COL11A1: variants seen among roughly 807,000 people sequenced by gnomAD.
The protein encoded by COL11A1 is collagen alpha-1(XI) chain.
Under a neutral mutation model 265.2 loss-of-function variants are expected in COL11A1, and 74 were observed. The ratio of observed to expected loss-of-function variants is 0.28; its 90% CI spans 0.23 to 0.34. COL11A1 has a LOEUF of 0.34. Ranked by LOEUF, COL11A1 falls within the 10% of genes least tolerant of loss-of-function variation. The pLI is 1.00. For missense variants in COL11A1, 2,165 were observed against 2,263.6 expected (o/e 0.96, Z 0.88); for synonymous variants, 816 against 727.6 (o/e 1.12, Z -1.96).
At chr1:103,040,557 A>G (rs1449828953) in intron 4 of COL11A1, among the ~76,000 whole-genome samples, 1 of 151,506 alleles carries the variant, frequency 6.6e-6, no homozygotes, top group Non-Finnish European at 1.5e-5. Context: ...CTTCATATCA[A>G]TGTTTCTTTA....
chr1:102,911,700 C>T (rs990884799), intron 54 of COL11A1, among the ~76,000 whole-genome samples: 3 of 152,154 alleles, frequency 2.0e-5, no homozygotes, highest in African/African-American at 7.2e-5. Flanking sequence ...GTTTCCGAGC[C>T]AGAGAAGTTT....
At chr1:103,103,824 A>G (rs935751055) in intron 1 of COL11A1, among the ~76,000 whole-genome samples, 1 of 151,970 alleles carries the variant, frequency 6.6e-6, no homozygotes, top group Non-Finnish European at 1.5e-5. Flanking sequence ...TCCTGAGCTA[A>G]AAGGTACTTA....
intron 53 of COL11A1, among the ~76,000 whole-genome samples, chr1:102,912,999 A>G (rs1654874467): frequency 6.6e-6 from 1 of 152,172 alleles, no homozygotes; most frequent in African/African-American, 2.4e-5. Flanking sequence ...CAGTATGAGA[A>G]TGGACTAATA....
chr1:102,911,038 G>T (rs1272165214), intron 54 of COL11A1, among the ~76,000 whole-genome samples: 1 of 152,018 alleles, frequency 6.6e-6, no homozygotes, highest in East Asian at 1.9e-4. Context: ...AGAGGCAATG[G>T]ATATCAAAAA....
intron 40 of COL11A1, 66 bp from the exon 41 acceptor site, chr1:102,961,985 T>C: frequency 7.0e-7 from 1 of 1,421,574 alleles, no homozygotes; most frequent in South Asian, 1.2e-5. Context: ...GGAGGAGATA[T>C]CTGATTAGTA....
At chr1:103,097,567 T>A (rs950436442) in intron 1 of COL11A1, among the ~76,000 whole-genome samples, 5 of 152,018 alleles carry the variant, frequency 3.3e-5, no homozygotes, top group Admixed American at 2.6e-4. Context: ...TATTTACTTG[T>A]ACCACTATTT....
intron 63 of COL11A1, 137 bp downstream of exon 63, chr1:102,886,670 G>C: frequency 1.6e-6 from 2 of 1,258,238 alleles, no homozygotes; most frequent in Non-Finnish European, 2.3e-6. Context: ...GATTTTTTCT[G>C]TCTAGAAGAT....
At chr1:103,002,632 T>G (rs1015745120) in intron 22 of COL11A1, 115 bp downstream of exon 22, 1 of 1,127,948 alleles carries the variant, frequency 8.9e-7, no homozygotes, top group Non-Finnish European at 1.3e-6. Context: ...GCAAGCTGTA[T>G]CTAATATACT....
At chr1:103,058,627 T>C (rs1670417421) in intron 4 of COL11A1, among the ~76,000 whole-genome samples, 1 of 152,084 alleles carries the variant, frequency 6.6e-6, no homozygotes, top group Non-Finnish European at 1.5e-5. Flanking sequence ...CATAGGTCAT[T>C]GTGGGGTTAC....
intron 7 of COL11A1, among the ~76,000 whole-genome samples, chr1:103,023,262 G>A (rs781148675): frequency 7.2e-5 from 11 of 151,948 alleles, no homozygotes; most frequent in Non-Finnish European, 1.5e-4. Flanking sequence ...GTATTTGCTT[G>A]TTCCATTGGA....
chr1:103,021,476 A>G (rs1157307063), intron 9 of COL11A1, among the ~76,000 whole-genome samples: 1 of 152,170 alleles, frequency 6.6e-6, no homozygotes, highest in East Asian at 1.9e-4. Context: ...TAGACAAGAC[A>G]AATTTCAGCT....
intron 42 of COL11A1, among the ~76,000 whole-genome samples, chr1:102,940,946 T>C (rs1282053557): frequency 6.6e-6 from 1 of 152,178 alleles, no homozygotes; most frequent in Non-Finnish European, 1.5e-5. Flanking sequence ...ACCTATACTG[T>C]GTAATTTTTT....
At chr1:103,103,648 A>G (rs1674470223) in intron 1 of COL11A1, among the ~76,000 whole-genome samples, 1 of 152,020 alleles carries the variant, frequency 6.6e-6, no homozygotes, top group African/African-American at 2.4e-5. Flanking sequence ...TAATAATTTC[A>G]GACTTCTGGA....
intron 4 of COL11A1, among the ~76,000 whole-genome samples, chr1:103,037,072 CCAAA>C (rs1178699512): frequency 2.0e-5 from 3 of 151,178 alleles, no homozygotes; most frequent in Non-Finnish European, 2.9e-5. Flanking sequence ...ACTTTTAAAA[CCAAA>C]CAAATAATGC....
intron 25 of COL11A1, among the ~76,000 whole-genome samples, chr1:102,997,512 G>A (rs564891919): frequency 6.6e-6 from 1 of 151,880 alleles, no homozygotes; most frequent in Admixed American, 6.6e-5. Flanking sequence ...CTTCAAAGGG[G>A]CACTAAGACA....
rs184579351 is a variant in COL11A1, at chr1:103,028,953, A to G, written c.780+2163T>C. Among the ~76,000 whole-genome samples the G allele has an allele frequency of 6.2e-4, 94 of 152,254 alleles. 1 individual carries two copies. Among genetic ancestry groups the G allele is most frequent in the African/African-American group, 2.2e-3 (93 of 41,582 alleles). ...AAATCCCAACTCCATCATAATTTTA[A>G]TATTAGCTTGTCACCTATTTAAATG... On this transcript the variant is annotated intron_variant, in intron 5 of 66. Coordinates refer to ENST00000370096, the MANE Select transcript of COL11A1 (RefSeq NM_001854.4).
intron 42 of COL11A1, among the ~76,000 whole-genome samples, chr1:102,942,925 C>G (rs948174794): frequency 3.3e-5 from 5 of 152,014 alleles, no homozygotes; most frequent in African/African-American, 1.2e-4. Context: ...TCAGAGATGG[C>G]CATCTTCTTT....
intron 26 of COL11A1, among the ~76,000 whole-genome samples, chr1:102,996,268 T>C (rs1664618139): frequency 6.6e-6 from 1 of 152,072 alleles, no homozygotes; most frequent in Admixed American, 6.6e-5. Flanking sequence ...ATATTCATAC[T>C]AAAAATACAA....
chr1:103,060,860 T>C (rs35573953), intron 4 of COL11A1, among the ~76,000 whole-genome samples: 33,084 of 151,792 alleles, frequency 0.22, 3,843 homozygotes, highest in African/African-American at 0.27. Context: ...GAGCCCAGGG[T>C]AATAAATGGA....
Sources: gnomAD v4.1 joint callset for allele counts (sites outside exome capture counted in the v4.1 genomes callset) on GRCh38, gnomAD v4.1.1 for gene constraint, MANE v1.5 for transcripts, NCBI Gene and HGNC (gene_info 2026-07-23, HGNC 2026-07-21) for gene names.